NOD1: variants seen among roughly 807,000 people sequenced by gnomAD.
The protein encoded by NOD1 is nucleotide-binding oligomerization domain-containing protein 1.
A neutral mutation model predicts 81.2 loss-of-function variants in NOD1; 70 were observed. The ratio of observed to expected loss-of-function variants is 0.86; its 90% confidence interval spans 0.71 to 1.05. The LOEUF (loss-of-function observed/expected upper bound fraction) is 1.05. Ranked by LOEUF, NOD1 falls within the 50% of genes least tolerant of loss-of-function variation. The probability of loss-of-function intolerance (pLI) is 0.00; values close to 1 mark genes in which losing one functional copy is unlikely to be tolerated. For synonymous variants in NOD1, 508 were observed against 526.9 expected (o/e 0.96, Z 0.49); for missense variants, 1,233 against 1,228.0 (o/e 1.00, Z -0.06).
intron 1 of NOD1, among the ~76,000 whole-genome samples, chr7:30,475,526 A>G (rs1299582324): frequency 6.6e-6 from 1 of 152,200 alleles, no homozygotes; most frequent in African/African-American, 2.4e-5. Flanking sequence ...ATAATACAAA[A>G]TTGCCTTGTT....
chr7:30,438,470 C>T (rs142419533), intron 9 of NOD1, among the ~76,000 whole-genome samples: 5 of 152,332 alleles, frequency 3.3e-5, no homozygotes, highest in South Asian at 2.1e-4. Context: ...CACTTAGAAC[C>T]GTGTGTGGCT....
chr7:30,425,384 T>C lies in NOD1; in HGVS notation c.*254A>G, dbSNP rs1374526740. ...AATAATTATAATAGGCAATAAAGTC[T>C]CTTCACAGTGTATTTACTGTAACTA... On this transcript the variant is annotated 3_prime_UTR_variant, in exon 14 of 14. Coordinates refer to ENST00000222823, the MANE Select transcript of NOD1 (RefSeq NM_006092.4). 1 of 507,298 alleles carries C rather than the reference T, an allele frequency of 2.0e-6. No individual in the cohort carries two copies. The highest frequency in any genetic ancestry group is 3.5e-6 in the Non-Finnish European group (1 of 284,338). 31.4% of individuals were successfully genotyped at this position (507,298 alleles called of 1,614,324 possible).
intron 1 of NOD1, chr7:30,460,497 A>G (rs1293562976): frequency 7.1e-6 from 7 of 985,270 alleles, no homozygotes; most frequent in African/African-American, 3.5e-5. Context: ...GTGCAGACCA[A>G]TGGGGACTGA....
At position 30,451,713 on chromosome 7, in the gene NOD1, C is replaced by T. The variant is rs201129988; in HGVS notation, c.1704G>A (p.Leu568=). ...CYPPFLPFQC[L]QGSGPAREDL... The stretch of plus-strand genomic sequence containing the variant: ...CTTCCCGCGCCGGACCACTGCCCTG[C>T]AGGCACTGGAACGGGAGGAAGGGAG... The change falls in exon 6 of 14, where the codon CTG becomes CTA. Residue 568 remains leucine, a synonymous_variant. Transcript: ENST00000222823. The surrounding 1 kb of genome is among the most constrained non-coding windows in gnomAD (Gnocchi z 4.2). 1.1e-5 allele frequency: 18 copies of T among 1,613,776 alleles called. No individual in the cohort carries two copies. Among genetic ancestry groups the T allele is most frequent in the Non-Finnish European group, 1.5e-5 (18 of 1,180,042 alleles).
chr7:30,452,948 C>T lies in NOD1; in HGVS notation c.469G>A (p.Glu157Lys), dbSNP rs772237143. The T allele has an allele frequency of 6.2e-6, 10 of 1,613,688 alleles. No homozygotes were observed. In the South Asian group the frequency reaches 9.9e-5, roughly 16 times the overall value. ...TCCATGATGGTGTCCATGTAGATCT[C>T]CTCCAGCAGCAGCTCCTCCTTCTGG... ...YAQKEELLLE[E>K]IYMDTIMELV... The change falls in exon 6 of 14, where the codon GAG becomes AAG. Residue 157 changes from glutamate (E) to lysine (K), a missense_variant. By Grantham distance (56) the Glu-to-Lys change is moderately conservative. Transcript: ENST00000222823.
chr7:30,445,813 C>T (rs367716316), intron 9 of NOD1, among the ~76,000 whole-genome samples: 44 of 144,790 alleles, frequency 3.0e-4, no homozygotes, highest in African/African-American at 1.1e-3. Flanking sequence ...TCCATGTGGA[C>T]GAATCTTGAG....
chr7:30,426,258 C>CCCACACCTCAAAGTAG (rs1488910731), intron 13 of NOD1, among the ~76,000 whole-genome samples: 20 of 152,088 alleles, frequency 1.3e-4, no homozygotes, highest in African/African-American at 4.1e-4. Context: ...GGACCTCTCC[C>CCCACACCTCAAAGTAG]CCACACCTCA....
Position 30,460,549 on chromosome 7 carries a change from G to GA in NOD1, c.-351-509dup, listed in dbSNP as rs940621530. 56 of 985,338 alleles carry GA rather than the reference G, an allele frequency of 5.7e-5. No homozygotes were observed. The African/African-American group carries it at 8.2e-4, about 14-fold the overall frequency. 61.0% of individuals were successfully genotyped at this position (985,338 alleles called of 1,614,324 possible). The stretch of plus-strand genomic sequence containing the variant: ...AAGACAGCTCCAGGGATACCCAAAG[G>GA]AAAAAACCAAGCTAATGGAGGCAGC... On this transcript the variant is annotated intron_variant, in intron 1 of 13. Transcript: ENST00000222823.
At chr7:30,433,319 G>A in intron 11 of NOD1, 140 bp from the exon 12 acceptor site, 1 of 640,810 alleles carries the variant, frequency 1.6e-6, no homozygotes, top group Non-Finnish European at 2.7e-6. Flanking sequence ...AAACAGCCAG[G>A]CTCCAAGCCC....
intron 10 of NOD1, 83 bp downstream of exon 10, chr7:30,437,490 A>C (rs546969246): frequency 2.4e-6 from 2 of 833,956 alleles, no homozygotes; most frequent in South Asian, 4.9e-5. Context: ...TTCTATTAGG[A>C]GCACGAATCA....
At chr7:30,477,207 A>G (rs577491419) in intron 1 of NOD1, among the ~76,000 whole-genome samples, 1 of 152,320 alleles carries the variant, frequency 6.6e-6, no homozygotes, top group South Asian at 2.1e-4. Context: ...CTCTTCTTAC[A>G]ATATTTGAAA....
At chr7:30,460,202 C>T in intron 1 of NOD1, 161 bp from the exon 2 acceptor site, 1 of 979,138 alleles carries the variant, frequency 1.0e-6, no homozygotes, top group East Asian at 1.1e-4. Context: ...AGAAACTGAA[C>T]TCTGCCTTGG....
chr7:30,425,252 G>C lies in NOD1; in HGVS notation c.*386C>G, dbSNP rs1783347868. 4.6e-6 allele frequency: 1 copy of C among 217,000 alleles called. No individual in the cohort carries two copies. The highest frequency in any genetic ancestry group is 9.3e-6 in the Non-Finnish European group (1 of 107,872). The allele number at this position is 217,000 out of a possible 1,614,324, so 13.4% of individuals were successfully genotyped here. A position where few individuals can be genotyped will look rare whatever the true frequency, so the allele number is the denominator to read the frequency against. The stretch of plus-strand genomic sequence containing the variant: ...CACATCCTCAACTCTTCAATGAAAA[G>C]AGCGGTGACCAACTCGCTCCCGTTG... On this transcript the variant is annotated 3_prime_UTR_variant, in exon 14 of 14. Coordinates refer to ENST00000222823, the MANE Select transcript of NOD1 (RefSeq NM_006092.4).
At chr7:30,438,795 T>G (rs148201212) in intron 9 of NOD1, among the ~76,000 whole-genome samples, 1 of 152,214 alleles carries the variant, frequency 6.6e-6, no homozygotes, top group Non-Finnish European at 1.5e-5. Context: ...TACTATAGTA[T>G]AGATACATAT....
Position 30,437,597 on chromosome 7 carries a change from T to C in NOD1, c.2513A>G (p.Asn838Ser), listed in dbSNP as rs1784491291. 2 of 1,509,342 alleles carry C rather than the reference T, an allele frequency of 1.3e-6. No homozygotes were observed. The highest frequency in any genetic ancestry group is 2.7e-5 in the East Asian group (1 of 37,038). The allele number at this position is 1,509,342 out of a possible 1,614,324, so 93.5% of individuals were successfully genotyped here. ...GAKAFAEALR[N>S]HPSLTTLSLA... ...CCTCAGGGTGGTCAAGCTGGGGTGGTTCCGCAGAGCCTCTGCGAAGGCTTT... is the reference window on the plus strand; with the variant it reads ...CCTCAGGGTGGTCAAGCTGGGGTGGCTCCGCAGAGCCTCTGCGAAGGCTTT... The change falls in exon 10 of 14, where the codon AAC becomes AGC. Residue 838 changes from asparagine (N) to serine (S), a missense_variant. Asn to Ser is a conservative substitution (Grantham distance 46, BLOSUM62 1). Transcript: ENST00000222823.
intron 1 of NOD1, among the ~76,000 whole-genome samples, chr7:30,471,983 T>C (rs1788322035): frequency 6.6e-6 from 1 of 152,232 alleles, no homozygotes; most frequent in African/African-American, 2.4e-5. Flanking sequence ...TGAGCCTCAG[T>C]TCCCTCATCT....
At chr7:30,461,586 A>T (rs28611502) in intron 1 of NOD1, among the ~76,000 whole-genome samples, 39 of 152,198 alleles carry the variant, frequency 2.6e-4, no homozygotes, top group African/African-American at 9.4e-4. Flanking sequence ...GATCAACCAC[A>T]TTTCCAGTGC....
rs368764424 is a variant in NOD1, at chr7:30,458,371, TA to T, written c.-122+780del. On this transcript the variant is annotated intron_variant, in intron 3 of 13. Coordinates refer to ENST00000222823, the MANE Select transcript of NOD1 (RefSeq NM_006092.4). Reference sequence around the variant, plus strand: ...AAACTCATGCATTTCAGAGAGAGAGTAAAAAAAAGGTTTTTTTGTAGTTCAA... The same window carrying T: ...AAACTCATGCATTTCAGAGAGAGAGTAAAAAAAGGTTTTTTTGTAGTTCAA... 1.1e-4 allele frequency among the ~76,000 whole-genome samples: 17 copies of T among 148,534 alleles called. No individual in the cohort carries two copies. In the East Asian group the frequency reaches 2.7e-3, roughly 24 times the overall value.
chr7:30,446,689 G>T, intron 8 of NOD1: 1 of 439,818 alleles, frequency 2.3e-6, no homozygotes. Context: ...ACTCCCTTGG[G>T]GCAAAAAGAC....
Sources: allele counts gnomAD v4.1 joint callset (sites outside exome capture counted in the v4.1 genomes callset), GRCh38; gene constraint gnomAD v4.1.1; non-coding constraint Gnocchi (gnomAD v3.1); transcripts MANE v1.5; gene names NCBI Gene and HGNC (gene_info 2026-07-23, HGNC 2026-07-21).